TCF4: variants seen among roughly 807,000 people sequenced by gnomAD.
The protein encoded by TCF4 is transcription factor 4.
A neutral mutation model predicts 82.1 loss-of-function variants in TCF4; 3 were observed. The ratio of observed to expected loss-of-function variants is 0.04; its 90% CI spans 0.02 to 0.09. TCF4 has a LOEUF of 0.09. Ranked by LOEUF, TCF4 falls within the 10% of genes least tolerant of loss-of-function variation. The pLI is 1.00. For missense variants in TCF4, 518 were observed against 852.7 expected (o/e 0.61, Z 4.89); for synonymous variants, 276 against 309.6 (o/e 0.89, Z 1.14).
chr18:55,629,204 T>C (rs1214107539), intron 2 of TCF4, among the ~76,000 whole-genome samples: 1 of 152,236 alleles, frequency 6.6e-6, no homozygotes, highest in African/African-American at 2.4e-5. Context: ...CCTGTTGATA[T>C]ATTTGGTATG....
chr18:55,369,891 A>G (rs916700884), intron 6 of TCF4, among the ~76,000 whole-genome samples: 6 of 151,490 alleles, frequency 4.0e-5, no homozygotes, highest in African/African-American at 1.5e-4. Context: ...TTTCAATTAA[A>G]AAGTGAACAT....
At chr18:55,622,666 G>T (rs752598693) in intron 2 of TCF4, among the ~76,000 whole-genome samples, 12 of 152,106 alleles carry the variant, frequency 7.9e-5, no homozygotes, top group Non-Finnish European at 1.5e-4. Flanking sequence ...CAAGTGATCC[G>T]CCCAAAGTCA....
chr18:55,236,963 T>C (rs1467957652), intron 15 of TCF4, among the ~76,000 whole-genome samples: 3 of 152,238 alleles, frequency 2.0e-5, no homozygotes, highest in African/African-American at 7.2e-5. Context: ...TGCAAGCATC[T>C]GTGACATAAC....
intron 8 of TCF4, chr18:55,302,752 T>C: frequency 1.4e-6 from 1 of 714,732 alleles, no homozygotes; most frequent in Non-Finnish European, 2.2e-6. Flanking sequence ...TGACCAGGCA[T>C]GAGGCGTCCC....
chr18:55,464,181 T>G, intron 3 of TCF4, 44 bp from the exon 4 acceptor site: 1 of 1,590,388 alleles, frequency 6.3e-7, no homozygotes. Context: ...TGCAGTAATT[T>G]TTTCTTTTTG....
intron 3 of TCF4, among the ~76,000 whole-genome samples, chr18:55,573,048 C>T (rs1003269779): frequency 3.3e-5 from 5 of 151,044 alleles, no homozygotes; most frequent in South Asian, 4.2e-4. Context: ...AGCTTAACTC[C>T]GTCTCAAAAA....
intron 3 of TCF4, among the ~76,000 whole-genome samples, chr18:55,504,785 T>C (rs1257581050): frequency 6.6e-6 from 1 of 152,148 alleles, no homozygotes; most frequent in Non-Finnish European, 1.5e-5. Context: ...TGGACTGTAG[T>C]ACCAACTTTA....
At chr18:55,578,266 C>T (rs1464494598) in intron 3 of TCF4, among the ~76,000 whole-genome samples, 2 of 152,006 alleles carry the variant, frequency 1.3e-5, no homozygotes, top group East Asian at 1.9e-4. Context: ...ACACATTTTT[C>T]CCTTCTTAAG....
chr18:55,347,725 C>T (rs1016271628), intron 8 of TCF4, among the ~76,000 whole-genome samples: 5 of 152,154 alleles, frequency 3.3e-5, no homozygotes, highest in Admixed American at 3.3e-4. Flanking sequence ...GATGCAGTGT[C>T]ACCGTTTAAG....
chr18:55,234,745 G>A, intron 15 of TCF4, 62 bp from the exon 16 acceptor site: 2 of 1,611,652 alleles, frequency 1.2e-6, no homozygotes, highest in Non-Finnish European at 1.7e-6. Context: ...GCTATTTCCA[G>A]AGGCCAAGAG....
intron 8 of TCF4, among the ~76,000 whole-genome samples, chr18:55,331,407 T>C (rs1394172862): frequency 6.6e-6 from 1 of 152,238 alleles, no homozygotes; most frequent in Non-Finnish European, 1.5e-5. Flanking sequence ...CCAAATATCT[T>C]AAATTTCTAA....
At chr18:55,482,261 A>G (rs1458940485) in intron 3 of TCF4, 1 of 152,234 alleles carries the variant, frequency 6.6e-6, no homozygotes, top group Non-Finnish European at 1.5e-5. Flanking sequence ...TTCAGTCTAT[A>G]AAAGAGCAAA....
Position 55,302,576 on chromosome 18 carries a change from A to T in TCF4, c.550-22920T>A. On this transcript the variant is annotated intron_variant, in intron 8 of 19. Transcript: ENST00000354452. ...AGGAGCAAGCAGGACCACAGCCCAG[A>T]ATTCATAATGGGAGGGAGAGAGGGA... The T allele has an allele frequency of 3.3e-6, 5 of 1,534,232 alleles. No individual in the cohort carries two copies. In the South Asian group the frequency reaches 6.0e-5, roughly 18 times the overall value.
chr18:55,605,668 G>A (rs146355212), intron 2 of TCF4, among the ~76,000 whole-genome samples: 52 of 152,300 alleles, frequency 3.4e-4, no homozygotes, highest in African/African-American at 1.2e-3. Flanking sequence ...AATCATACCA[G>A]TTGCATATGC....
intron 6 of TCF4, among the ~76,000 whole-genome samples, chr18:55,365,254 T>TACAC (rs2086703144): frequency 7.0e-6 from 1 of 143,046 alleles, no homozygotes; most frequent in Non-Finnish European, 1.5e-5. Flanking sequence ...TGTGTGTATA[T>TACAC]ATATATATAT....
intron 5 of TCF4, among the ~76,000 whole-genome samples, chr18:55,453,931 C>T (rs921718336): frequency 3.3e-5 from 5 of 151,988 alleles, no homozygotes; most frequent in Admixed American, 6.6e-5. Context: ...ACAATCACAG[C>T]TCACTGTAGT....
At chr18:55,554,383 GT>G (rs1231251347) in intron 3 of TCF4, among the ~76,000 whole-genome samples, 1 of 151,824 alleles carries the variant, frequency 6.6e-6, no homozygotes, top group East Asian at 1.9e-4. Context: ...TAAAACACTA[GT>G]TTTATTAATA....
intron 5 of TCF4, among the ~76,000 whole-genome samples, chr18:55,404,687 CAATGGCAATGTTATT>C (rs2093998268): frequency 1.3e-5 from 2 of 152,142 alleles, no homozygotes; most frequent in Admixed American, 1.3e-4. Context: ...AGGTCAATGG[CAATGGCAATGTTATT>C]AGAGTATGCC....
intron 3 of TCF4, among the ~76,000 whole-genome samples, chr18:55,538,017 TGCGC>T (rs756676190): frequency 7.2e-6 from 1 of 138,688 alleles, no homozygotes; most frequent in Non-Finnish European, 1.5e-5. Context: ...TTTGCTAGTC[TGCGC>T]GCGCGCACAC....
Sources: gnomAD v4.1 joint callset for allele counts (sites outside exome capture counted in the v4.1 genomes callset) on GRCh38, gnomAD v4.1.1 for gene constraint, MANE v1.5 for transcripts, NCBI Gene and HGNC (gene_info 2026-07-23, HGNC 2026-07-21) for gene names.